Variants in MRGPRX3 observed in about 807,000 individuals in gnomAD.
MRGPRX3 encodes the protein MAS related GPR family member X3.
A neutral mutation model predicts 16.5 loss-of-function variants in MRGPRX3; 14 were observed. The ratio of observed to expected loss-of-function variants is 0.85; its 90% confidence interval spans 0.56 to 1.33. The LOEUF is 1.33. MRGPRX3 is among the 40% of genes most tolerant of loss of function. The pLI, the probability that MRGPRX3 is intolerant of heterozygous loss-of-function variation, is 0.00. For missense variants in MRGPRX3, 449 were observed against 413.0 expected, an observed-to-expected ratio of 1.09 and a Z score of -0.76; for synonymous variants, 199 against 180.1, an observed-to-expected ratio of 1.10 and a Z score of -0.84.
Position 18,134,422 on chromosome 11 carries a change from T to C in MRGPRX3, c.-26+1683T>C, listed in dbSNP as rs185249366. Among the ~76,000 whole-genome samples, 13 of 152,302 alleles carry C rather than the reference T, an allele frequency of 8.5e-5. No individual in the cohort carries two copies. The East Asian group carries it at 2.5e-3, about 29-fold the overall frequency. The stretch of plus-strand genomic sequence containing the variant: ...TGTCATTATTTCTGAAAAACTACAA[T>C]ATAACAAGAACTTATATAGCATTTG... On this transcript the variant is annotated intron_variant, in intron 1 of 1. Transcript: ENST00000621697.
intron 1 of MRGPRX3, among the ~76,000 whole-genome samples, chr11:18,123,748 G>A (rs1490024064): frequency 6.6e-6 from 1 of 152,132 alleles, no homozygotes; most frequent in Non-Finnish European, 1.5e-5. Context: ...GCTTGATGGG[G>A]ATGGCATTGA....
At chr11:18,125,765 T>C (rs1314361833) in intron 1 of MRGPRX3, among the ~76,000 whole-genome samples, 5 of 152,192 alleles carry the variant, frequency 3.3e-5, no homozygotes, top group Non-Finnish European at 5.9e-5. Flanking sequence ...GTCTTGTTGA[T>C]CTATCTAATA....
chr11:18,126,442 C>G (rs1374450786), intron 1 of MRGPRX3, among the ~76,000 whole-genome samples: 3 of 152,132 alleles, frequency 2.0e-5, no homozygotes, highest in African/African-American at 7.2e-5. Context: ...ATTTCTCCTT[C>G]ACTTATGAAG....
At chr11:18,127,660 T>C (rs1375540158), upstream of MRGPRX3, among the ~76,000 whole-genome samples, 17 of 152,254 alleles carry the variant, frequency 1.1e-4, no homozygotes, top group Non-Finnish European at 1.5e-5. Context: ...GTTATTCTAG[T>C]TAGCCATTCA....
intron 1 of MRGPRX3, among the ~76,000 whole-genome samples, chr11:18,122,944 T>C (rs1221968173): frequency 6.6e-6 from 1 of 152,144 alleles, no homozygotes; most frequent in African/African-American, 2.4e-5. Context: ...CCAGTGATGG[T>C]GAGCATTTTT....
chr11:18,131,638 A>G (rs945101810), upstream of MRGPRX3, among the ~76,000 whole-genome samples: 2 of 152,182 alleles, frequency 1.3e-5, no homozygotes, highest in African/African-American at 4.8e-5. Flanking sequence ...TTTCTTAAGG[A>G]ACTAAAAGTA....
chr11:18,123,311 A>G (rs1177554757), intron 1 of MRGPRX3, among the ~76,000 whole-genome samples: 2 of 152,014 alleles, frequency 1.3e-5, no homozygotes, highest in Non-Finnish European at 2.9e-5. Context: ...TAGGGTTTTT[A>G]TGGTTTCAGG....
chr11:18,129,501 T>C (rs1848938888), upstream of MRGPRX3, among the ~76,000 whole-genome samples: 2 of 152,094 alleles, frequency 1.3e-5, no homozygotes, highest in African/African-American at 2.4e-5. Context: ...AAATAGAAAG[T>C]CTGAACAGAC....
rs1325294149 is a variant in MRGPRX3, at chr11:18,138,435, C to T, written c.*264C>T. The T allele has an allele frequency of 9.4e-6, 4 of 425,280 alleles. No individual in the cohort carries two copies. Among genetic ancestry groups the T allele is most frequent in the Non-Finnish European group, 1.7e-5 (4 of 239,284 alleles). 26.3% of individuals were successfully genotyped at this position (425,280 alleles called of 1,614,324 possible). A position where few individuals can be genotyped will look rare whatever the true frequency, so the allele number is the denominator to read the frequency against. ...TGCACTGAATCTTTCCTACTGAACA[C>T]TTTTTCTGCACTTTTCATTGTAATA... On this transcript the variant is annotated 3_prime_UTR_variant, in exon 2 of 2. Coordinates refer to ENST00000621697, the MANE Select transcript of MRGPRX3 (RefSeq NM_001370464.1).
At chr11:18,129,872 A>G (rs1025794465), upstream of MRGPRX3, among the ~76,000 whole-genome samples, 1 of 152,228 alleles carries the variant, frequency 6.6e-6, no homozygotes, top group African/African-American at 2.4e-5. Context: ...AGGATAGGTT[A>G]ACATACACAA....
chr11:18,135,728 C>A (rs1849002313), intron 1 of MRGPRX3, among the ~76,000 whole-genome samples: 1 of 152,040 alleles, frequency 6.6e-6, no homozygotes, highest in African/African-American at 2.4e-5. Flanking sequence ...GAGAATCACT[C>A]CTCTACTTTA....
intron 1 of MRGPRX3, among the ~76,000 whole-genome samples, chr11:18,124,764 T>A (rs962648504): frequency 1.3e-5 from 2 of 151,986 alleles, no homozygotes; most frequent in African/African-American, 4.9e-5. Flanking sequence ...GAAGGAATGG[T>A]ACCAGCTCCT....
upstream of MRGPRX3, among the ~76,000 whole-genome samples, chr11:18,128,375 G>T (rs1355817683): frequency 1.3e-5 from 2 of 152,228 alleles, no homozygotes; most frequent in Non-Finnish European, 2.9e-5. Context: ...TGCCCCCAGA[G>T]GTGGAGTTTA....
intron 1 of MRGPRX3, among the ~76,000 whole-genome samples, chr11:18,126,110 G>T (rs1037902031): frequency 2.0e-4 from 30 of 152,270 alleles, no homozygotes; most frequent in African/African-American, 7.2e-4. Flanking sequence ...TGGGTTTCCT[G>T]AATATAGCAC....
upstream of MRGPRX3, among the ~76,000 whole-genome samples, chr11:18,128,698 AG>A (rs1564880193): frequency 6.6e-6 from 1 of 152,228 alleles, no homozygotes; most frequent in African/African-American, 2.4e-5. Flanking sequence ...TGGCTAGGAA[AG>A]GGAATTCCCT....
chr11:18,124,123 G>A (rs1848867579), intron 1 of MRGPRX3, among the ~76,000 whole-genome samples: 1 of 152,188 alleles, frequency 6.6e-6, no homozygotes, highest in Non-Finnish European at 1.5e-5. Flanking sequence ...ATACAATCAT[G>A]TCATCTGCAA....
At chr11:18,136,931 T>C (rs530310986) in intron 1 of MRGPRX3, among the ~76,000 whole-genome samples, 1 of 152,286 alleles carries the variant, frequency 6.6e-6, no homozygotes, top group Non-Finnish European at 1.5e-5. Flanking sequence ...TGGGGGTGTT[T>C]TGATCCTAAT....
chr11:18,123,474 G>A (rs548456737), intron 1 of MRGPRX3, among the ~76,000 whole-genome samples: 1 of 152,086 alleles, frequency 6.6e-6, no homozygotes. Flanking sequence ...TTTTTGTCAG[G>A]TTTGTCAAAT....
At chr11:18,129,562 A>G (rs1392818154), upstream of MRGPRX3, among the ~76,000 whole-genome samples, 1 of 152,216 alleles carries the variant, frequency 6.6e-6, no homozygotes, top group Admixed American at 6.5e-5. Flanking sequence ...ATTGCCAACA[A>G]AAAGTACAAG....
Sources: gnomAD v4.1 joint callset for allele counts (sites outside exome capture counted in the v4.1 genomes callset) on GRCh38, gnomAD v4.1.1 for gene constraint, MANE v1.5 for transcripts, NCBI Gene and HGNC (gene_info 2026-07-23, HGNC 2026-07-21) for gene names.